Variants in BPI observed in about 807,000 individuals in gnomAD.
The protein encoded by BPI is bactericidal permeability-increasing protein.
Under a neutral mutation model 57.6 loss-of-function variants are expected in BPI, and 48 were observed. The observed-to-expected ratio is 0.83, with a 90% CI of 0.66 to 1.06. The LOEUF (loss-of-function observed/expected upper bound fraction) is 1.06. Ranked by LOEUF, BPI falls within the 50% of genes least tolerant of loss-of-function variation. BPI has a pLI of 0.00. For missense variants in BPI, 651 were observed against 609.7 expected (o/e 1.07, Z -0.71); for synonymous variants, 237 against 238.2 (o/e 0.99, Z 0.05).
At chr20:38,314,560 GGAT>G (rs561913989) in intron 5 of BPI, among the ~76,000 whole-genome samples, 37 of 122,086 alleles carry the variant, frequency 3.0e-4, no homozygotes, top group African/African-American at 7.9e-4. Flanking sequence ...GTGATGGTGG[GGAT>G]GATGATGGTG....
At chr20:38,306,664 T>A (rs373088373) in intron 1 of BPI, among the ~76,000 whole-genome samples, 2 of 152,134 alleles carry the variant, frequency 1.3e-5, no homozygotes, top group South Asian at 2.1e-4. Context: ...AAGAATAGCA[T>A]GTGCAAAGGC....
chr20:38,309,004 T>C lies in BPI; in HGVS notation c.320T>C (p.Ile107Thr), dbSNP rs1004648486. ...MVPNVGLKFSISNANIKISGK... is the reference protein window; with the variant it reads ...MVPNVGLKFSTSNANIKISGK... ...CCCAATGTGGGCCTTAAGTTCTCCA[T>C]CAGCAACGCCAATATCAAGATCAGC... Residue 107 changes from isoleucine (I) to threonine (T), a missense_variant, in exon 3 of 15, where the codon ATC becomes ACC. Ile to Thr is a moderately conservative substitution (Grantham distance 89). Transcript: ENST00000642449. The C allele has an allele frequency of 6.2e-7, 1 of 1,614,218 alleles. No homozygotes were observed.
chr20:38,326,257 G>T lies in BPI; in HGVS notation c.994-8G>T. On this transcript the variant is annotated splice_region_variant and splice_polypyrimidine_tract_variant and intron_variant, in intron 9 of 14. Coordinates refer to ENST00000642449, the MANE Select transcript of BPI (RefSeq NM_001725.3). ...CCTTTCGTTGATTGTCTCCACTGGG[G>T]GCTGCAGGTGGCCAAGAAGTTTCCC... 1 of 1,610,242 alleles carries T rather than the reference G, an allele frequency of 6.2e-7. No individual in the cohort carries two copies. Among genetic ancestry groups the T allele is most frequent in the Non-Finnish European group, 8.5e-7 (1 of 1,177,628 alleles).
intron 11 of BPI, among the ~76,000 whole-genome samples, chr20:38,329,722 AT>A (rs1171290476): frequency 4.0e-5 from 6 of 150,788 alleles, no homozygotes; most frequent in East Asian, 3.9e-4. Context: ...TATTTTATTT[AT>A]TTTTTTTTAG....
At chr20:38,331,408 G>A (rs2076742048) in intron 12 of BPI, among the ~76,000 whole-genome samples, 1 of 152,190 alleles carries the variant, frequency 6.6e-6, no homozygotes, top group South Asian at 2.1e-4. Flanking sequence ...CTCAACAAAT[G>A]TTTGTTGGAT....
chr20:38,318,857 G>A (rs2076666711), intron 6 of BPI, among the ~76,000 whole-genome samples: 1 of 152,172 alleles, frequency 6.6e-6, no homozygotes, highest in Admixed American at 6.5e-5. Context: ...TACTTGGCAA[G>A]CTGCAAAGAA....
chr20:38,324,116 T>C, intron 8 of BPI, 70 bp downstream of exon 8: 1 of 1,534,242 alleles, frequency 6.5e-7, no homozygotes, highest in Non-Finnish European at 8.8e-7. Context: ...TCCAGACAAA[T>C]CTGGAAAAAG....
Position 38,318,064 on chromosome 20 carries a change from G to A in BPI, c.601-349G>A, listed in dbSNP as rs1049362026. The A allele has an allele frequency of 1.2e-5, 12 of 980,870 alleles. No homozygotes were observed. The African/African-American group carries it at 2.1e-4, about 17-fold the overall frequency. The allele number at this position is 980,870 out of a possible 1,614,324, so 60.8% of individuals were successfully genotyped here. ...TTGTTTATTACCTCATTCCACAAAG[G>A]ATCTGAGACAGCAAAATCAAACAGA... On this transcript the variant is annotated intron_variant, in intron 5 of 14. Coordinates refer to ENST00000642449, the MANE Select transcript of BPI (RefSeq NM_001725.3).
intron 14 of BPI, among the ~76,000 whole-genome samples, chr20:38,336,109 G>A (rs565025854): frequency 1.3e-5 from 2 of 152,226 alleles, no homozygotes; most frequent in East Asian, 1.9e-4. Context: ...CGTGGCTTTC[G>A]CCCAGGCTGA....
chr20:38,337,079 A>T (rs574182981), intron 14 of BPI, 67 bp from the exon 15 acceptor site: 1 of 1,521,826 alleles, frequency 6.6e-7, no homozygotes, highest in African/African-American at 1.4e-5. Context: ...TTAAAACTCC[A>T]GTAGCTCCAC....
chr20:38,326,273 G>T lies in BPI; in HGVS notation c.1002G>T (p.Lys334Asn). ...FFGTFLPEVA[K>N]KFPNMKIQIH... ...TCCACTGGGGGCTGCAGGTGGCCAA[G>T]AAGTTTCCCAACATGAAGATACAGA... Residue 334 changes from lysine (K) to asparagine (N), a missense_variant, in exon 10 of 15, where the codon AAG (lysine) becomes AAT (asparagine). Transcript: ENST00000642449. The T allele has an allele frequency of 6.2e-7, 1 of 1,612,132 alleles. No homozygotes were observed. The highest frequency in any genetic ancestry group is 8.5e-7 in the Non-Finnish European group (1 of 1,178,962).
intron 5 of BPI, among the ~76,000 whole-genome samples, chr20:38,314,177 G>A (rs1440869112): frequency 1.1e-4 from 9 of 85,644 alleles, no homozygotes; most frequent in African/African-American, 3.1e-4. Context: ...TGGGGATGAT[G>A]ATAATAATGA....
intron 3 of BPI, among the ~76,000 whole-genome samples, chr20:38,309,591 T>C: frequency 6.6e-6 from 1 of 152,174 alleles, no homozygotes; most frequent in East Asian, 1.9e-4. Context: ...GCTCAGAATT[T>C]ATATACCATG....
chr20:38,323,907 C>T lies in BPI; in HGVS notation c.794C>T (p.Pro265Leu), dbSNP rs1650434523. ...FYSENHHNPP[P>L]FAPPVMEFPA... The stretch of plus-strand genomic sequence containing the variant: ...AGTGAGAACCACCACAATCCACCTC[C>T]CTTTGCTCCACCAGTGATGGAGTTT... Residue 265 changes from proline to leucine, a missense_variant, in exon 8 of 15, where the codon CCC becomes CTC. By Grantham distance (98) the Pro-to-Leu change is moderately conservative. Transcript: ENST00000642449. 6.2e-7 allele frequency: 1 copy of T among 1,614,208 alleles called. No individual in the cohort carries two copies. Among genetic ancestry groups the T allele is most frequent in the Non-Finnish European group, 8.5e-7 (1 of 1,180,032 alleles).
At chr20:38,327,902 A>G (rs1285908804) in intron 11 of BPI, among the ~76,000 whole-genome samples, 1 of 152,128 alleles carries the variant, frequency 6.6e-6, no homozygotes, top group Non-Finnish European at 1.5e-5. Context: ...CAGCTTACCC[A>G]TAAATGTCCC....
Position 38,327,593 on chromosome 20 carries a change from A to C in BPI, c.1167A>C (p.Thr389=). 6.2e-7 allele frequency: 1 copy of C among 1,613,220 alleles called. No individual in the cohort carries two copies. Among genetic ancestry groups the C allele is most frequent in the Non-Finnish European group, 8.5e-7 (1 of 1,179,648 alleles). ...LASLFLIGMH[T]TGSMEVSAES... is the part of the protein sequence containing the mutation. ...CTGGGTTGTTGTTTTGGCAGCACAC[A>C]ACTGGTTCCATGGAGGTCAGCGCCG... The change falls in exon 11 of 15, where the codon ACA becomes ACC. Residue 389 remains threonine (T), a synonymous_variant. Coordinates refer to ENST00000642449, the MANE Select transcript of BPI (RefSeq NM_001725.3).
intron 14 of BPI, among the ~76,000 whole-genome samples, chr20:38,335,993 C>T (rs749195166): frequency 1.3e-5 from 2 of 152,096 alleles, no homozygotes; most frequent in African/African-American, 2.4e-5. Flanking sequence ...AAATATTTAA[C>T]GAATATATGT....
chr20:38,335,584 G>A lies in BPI; in HGVS notation c.1337-14G>A, dbSNP rs377750633. The A allele has an allele frequency of 5.2e-5, 84 of 1,610,306 alleles. 1 individual carries two copies. Among genetic ancestry groups the A allele is most frequent in the Non-Finnish European group, 5.4e-5 (64 of 1,176,720 alleles). ...TTCTTTTCTCCTGGTCCTCACCATC[G>A]GTCTCTGTCACAGAGAAACTACAGA... On this transcript the variant is annotated splice_polypyrimidine_tract_variant and intron_variant, in intron 13 of 14. Coordinates refer to ENST00000642449, the MANE Select transcript of BPI (RefSeq NM_001725.3).
chr20:38,328,249 G>A (rs776369798), intron 11 of BPI, among the ~76,000 whole-genome samples: 37 of 152,118 alleles, frequency 2.4e-4, no homozygotes, highest in African/African-American at 4.3e-4. Flanking sequence ...TCAGTTCTCC[G>A]ACTGTCAAAT....
Sources: gnomAD v4.1 joint callset for allele counts (sites outside exome capture counted in the v4.1 genomes callset) on GRCh38, gnomAD v4.1.1 for gene constraint, MANE v1.5 for transcripts, NCBI Gene and HGNC (gene_info 2026-07-23, HGNC 2026-07-21) for gene names.